The following OXR1 variants were observed in gnomAD, a reference collection of about 807,000 sequenced individuals.
OXR1 encodes the protein oxidation resistance protein 1.
Under a neutral mutation model 104.6 loss-of-function variants are expected in OXR1, and 41 were observed. The ratio of observed to expected loss-of-function variants is 0.39; its 90% CI spans 0.31 to 0.51. The LOEUF is 0.51. Among genes scored for constraint, OXR1 ranks in the 20% least tolerant of loss-of-function variants. OXR1 has a pLI of 0.77. For synonymous variants in OXR1, 348 were observed against 348.4 expected, an observed-to-expected ratio of 1.00 and a Z score of 0.01; for missense variants, 955 against 1,031.9, an observed-to-expected ratio of 0.93 and a Z score of 1.02.
At chr8:106,639,796 T>G (rs762427335) in intron 3 of OXR1, among the ~76,000 whole-genome samples, 1 of 152,198 alleles carries the variant, frequency 6.6e-6, no homozygotes, top group Non-Finnish European at 1.5e-5. Flanking sequence ...AGAATTGATG[T>G]ATCATTCCAG....
At position 106,751,164 on chromosome 8, in the gene OXR1, A is replaced by G. The variant is rs573957460; in HGVS notation, c.*223A>G. The G allele has an allele frequency of 1.2e-5, 4 of 345,950 alleles. No individual in the cohort carries two copies. Among genetic ancestry groups the G allele is most frequent in the East Asian group, 4.5e-5 (1 of 22,256 alleles). The allele number at this position is 345,950 out of a possible 1,614,324, so 21.4% of individuals were successfully genotyped here. A position where few individuals can be genotyped will look rare whatever the true frequency, so the allele number is the denominator to read the frequency against. On this transcript the variant is annotated 3_prime_UTR_variant, in exon 17 of 17. Coordinates refer to ENST00000517566, the MANE Select transcript of OXR1 (RefSeq NM_001198533.2). Reference sequence around the variant, plus strand: ...CTAGGGACTGCGTCCATGTACTAGTATAACAGCTTGGGTTTGTTAGAATTT... The same window carrying G: ...CTAGGGACTGCGTCCATGTACTAGTGTAACAGCTTGGGTTTGTTAGAATTT...
intron 1 of OXR1, among the ~76,000 whole-genome samples, chr8:106,293,877 A>G (rs1430044097): frequency 6.6e-6 from 1 of 151,420 alleles, no homozygotes; most frequent in Non-Finnish European, 1.5e-5. Context: ...ACACTTTTGT[A>G]TTGGGGATAA....
At chr8:106,451,766 C>T (rs2130618191) in intron 2 of OXR1, among the ~76,000 whole-genome samples, 1 of 152,248 alleles carries the variant, frequency 6.6e-6, no homozygotes, top group Admixed American at 6.5e-5. Flanking sequence ...GTTCAACATA[C>T]ATTTCTTTAG....
intron 2 of OXR1, among the ~76,000 whole-genome samples, chr8:106,487,967 T>A (rs1810804627): frequency 1.3e-5 from 2 of 149,676 alleles, no homozygotes; most frequent in South Asian, 4.2e-4. Context: ...CAAATGGTAT[T>A]TCCAGTTCTA....
At chr8:106,547,492 CT>C (rs60073341) in intron 3 of OXR1, among the ~76,000 whole-genome samples, 48,350 of 116,128 alleles carry the variant, frequency 0.42, 8,243 homozygotes, top group Admixed American at 0.47. Context: ...TTCTTTCTTT[CT>C]TTTTTTTTTT....
intron 1 of OXR1, among the ~76,000 whole-genome samples, chr8:106,358,815 A>T (rs2130333728): frequency 6.6e-6 from 1 of 151,028 alleles, no homozygotes; most frequent in African/African-American, 2.5e-5. Context: ...CCTATTATTT[A>T]GTGGAATAAT....
intron 1 of OXR1, among the ~76,000 whole-genome samples, chr8:106,314,074 A>G (rs1813825845): frequency 6.6e-6 from 1 of 152,222 alleles, no homozygotes. Flanking sequence ...GAATCTGTAA[A>G]CAAAGTTAAA....
intron 2 of OXR1, among the ~76,000 whole-genome samples, chr8:106,393,759 T>G (rs1390040538): frequency 6.6e-6 from 1 of 152,058 alleles, no homozygotes; most frequent in Non-Finnish European, 1.5e-5. Context: ...GTAAATTTTA[T>G]GTACATATTA....
intron 3 of OXR1, chr8:106,657,661 C>A: frequency 4.6e-6 from 1 of 218,040 alleles, no homozygotes; most frequent in Non-Finnish European, 8.4e-6. Context: ...GCTTAAAAGC[C>A]ATCAGTTTTC....
intron 2 of OXR1, among the ~76,000 whole-genome samples, chr8:106,467,030 A>G (rs1466205397): frequency 6.6e-6 from 1 of 151,876 alleles, no homozygotes; most frequent in Non-Finnish European, 1.5e-5. Flanking sequence ...TCCAATTTTT[A>G]GTTAAAGAAA....
intron 1 of OXR1, among the ~76,000 whole-genome samples, chr8:106,309,194 C>A (rs2130124538): frequency 6.6e-6 from 1 of 152,128 alleles, no homozygotes; most frequent in Middle Eastern, 3.4e-3. Context: ...GTTGCCTAAG[C>A]TGGCCTCAAA....
At chr8:106,531,513 T>C (rs1814091048) in intron 3 of OXR1, among the ~76,000 whole-genome samples, 1 of 152,202 alleles carries the variant, frequency 6.6e-6, no homozygotes, top group Non-Finnish European at 1.5e-5. Context: ...ATATCCTCTC[T>C]TAGTTTTCTG....
At chr8:106,299,629 T>C (rs1458345757) in intron 1 of OXR1, among the ~76,000 whole-genome samples, 1 of 152,156 alleles carries the variant, frequency 6.6e-6, no homozygotes, top group African/African-American at 2.4e-5. Flanking sequence ...ATATACTCTT[T>C]CTCTTTATTC....
At position 106,706,865 on chromosome 8, in the gene OXR1, C is replaced by T. The variant is rs1195341762; in HGVS notation, c.1344C>T (p.Asp448=). The change falls in exon 9 of 17, where the codon GAC becomes GAT. Residue 448 remains aspartate, a synonymous_variant. Transcript: ENST00000517566. ...EDSTSIKGNS[D]QDSFLHENSL... ...GCACAAGTATAAAAGGTAATTCAGACCAGGATTCTTTTCTTCATGAGAATT... is the reference window on the plus strand; with the variant it reads ...GCACAAGTATAAAAGGTAATTCAGATCAGGATTCTTTTCTTCATGAGAATT... 2.5e-6 allele frequency: 4 copies of T among 1,611,560 alleles called. No individual in the cohort carries two copies. Among genetic ancestry groups the T allele is most frequent in the East Asian group, 2.2e-5 (1 of 44,852 alleles).
chr8:106,423,898 T>C (rs1190134021), intron 2 of OXR1, among the ~76,000 whole-genome samples: 1 of 152,164 alleles, frequency 6.6e-6, no homozygotes, highest in African/African-American at 2.4e-5. Flanking sequence ...GTCTTTTAAA[T>C]AGAATAATCA....
At chr8:106,696,578 A>G (rs1379529217) in intron 7 of OXR1, among the ~76,000 whole-genome samples, 1 of 152,200 alleles carries the variant, frequency 6.6e-6, no homozygotes, top group East Asian at 1.9e-4. Flanking sequence ...TTTTGTATCC[A>G]ATAAGCAATG....
intron 2 of OXR1, among the ~76,000 whole-genome samples, chr8:106,518,317 TC>T (rs1285711148): frequency 1.3e-5 from 2 of 152,324 alleles, no homozygotes; most frequent in South Asian, 2.1e-4. Context: ...TAACTCACCA[TC>T]ATTTACAATG....
intron 11 of OXR1, chr8:106,726,317 T>C: frequency 7.1e-7 from 1 of 1,416,272 alleles, no homozygotes; most frequent in Non-Finnish European, 9.6e-7. Context: ...CTGGTAAATC[T>C]TAGTCAATTA....
chr8:106,626,899 C>G (rs1040707162), intron 3 of OXR1, among the ~76,000 whole-genome samples: 10 of 151,584 alleles, frequency 6.6e-5, no homozygotes, highest in Non-Finnish European at 1.0e-4. Context: ...TTGTAAAGCA[C>G]TAGGATATAT....
Sources: gnomAD v4.1 joint callset for allele counts (sites outside exome capture counted in the v4.1 genomes callset) on GRCh38, gnomAD v4.1.1 for gene constraint, MANE v1.5 for transcripts, NCBI Gene and HGNC (gene_info 2026-07-23, HGNC 2026-07-21) for gene names.